MTMR8: variants seen among roughly 807,000 people sequenced by gnomAD.
MTMR8 encodes the protein myotubularin related protein 8.
Under a neutral mutation model 39.3 loss-of-function variants are expected in MTMR8, and 65 were observed. The observed-to-expected ratio is 1.65, with a 90% CI of 1.35 to 2.03. The LOEUF (loss-of-function observed/expected upper bound fraction) is 2.03. Among genes scored for constraint, MTMR8 ranks in the 30% most tolerant of loss-of-function variants. The pLI, the probability that MTMR8 is intolerant of heterozygous loss-of-function variation, is 0.00. For missense variants in MTMR8, 777 were observed against 538.9 expected (o/e 1.44, Z -4.37); for synonymous variants, 245 against 185.2 (o/e 1.32, Z -2.62).
At chrX:64,346,230 A>T (rs1209744390) in intron 6 of MTMR8, among the ~76,000 whole-genome samples, 1 of 111,406 alleles carries the variant, frequency 9.0e-6, no homozygotes, top group East Asian at 2.8e-4. Context: ...TGTGCATTTC[A>T]GAAGGCAGGA....
intron 1 of MTMR8, among the ~76,000 whole-genome samples, chrX:64,362,805 G>T (rs1923829129): frequency 9.3e-6 from 1 of 107,801 alleles, no homozygotes; most frequent in South Asian, 3.8e-4. Flanking sequence ...AAATTAATAA[G>T]AGAATAGGAG....
At chrX:64,357,173 G>A (rs1320713801) in intron 2 of MTMR8, among the ~76,000 whole-genome samples, 2 of 111,180 alleles carry the variant, frequency 1.8e-5, no homozygotes, top group East Asian at 5.7e-4. Flanking sequence ...TTTGATCTTT[G>A]ATGTTCTCCT....
At chrX:64,391,305 G>A (rs990632869) in intron 1 of MTMR8, among the ~76,000 whole-genome samples, 6 of 111,712 alleles carry the variant, frequency 5.4e-5, no homozygotes, top group African/African-American at 1.6e-4. Flanking sequence ...AATTATTTAT[G>A]TGAAGGAGAG....
rs1602099375 is a variant in MTMR8 at position 64,270,989 on chromosome X, T to C, written c.1566A>G (p.Lys522=). Residue 522 remains lysine, a synonymous_variant, in exon 13 of 14, where the codon AAA becomes AAG. Coordinates refer to ENST00000374852, the MANE Select transcript of MTMR8 (RefSeq NM_017677.4). ...CATCTGTCTCCAGCATTGCTCTCTG[T>C]TTCTTAATTTCCAGGAGGCTCTCTA... ...SMLESLLEIK[K]QRAMLETDVH... is the part of the protein sequence containing the mutation. The C allele has an allele frequency of 8.3e-7, 1 of 1,208,627 alleles. No individual in the cohort carries two copies. The highest frequency in any genetic ancestry group is 1.8e-5 in the South Asian group (1 of 56,633).
chrX:64,344,968 C>T (rs1422635142), intron 7 of MTMR8, 77 bp downstream of exon 7: 1 of 1,091,925 alleles, frequency 9.2e-7, no homozygotes, highest in African/African-American at 1.8e-5. Context: ...TATTCCACCC[C>T]AAATCAGGCA....
chrX:64,298,745 T>G (rs1400518651), intron 12 of MTMR8, among the ~76,000 whole-genome samples: 1 of 69,663 alleles, frequency 1.4e-5, no homozygotes, highest in Non-Finnish European at 2.2e-5. Context: ...TATTTTGAAA[T>G]ATGTCCCATC....
chrX:64,322,186 C>T (rs906445599), intron 12 of MTMR8, among the ~76,000 whole-genome samples: 10 of 108,658 alleles, frequency 9.2e-5, no homozygotes, highest in Admixed American at 2.0e-4. Context: ...TTTGTAGAGA[C>T]GAGGTCTCAC....
chrX:64,317,686 T>C (rs1024268440), intron 12 of MTMR8, among the ~76,000 whole-genome samples: 1 of 112,288 alleles, frequency 8.9e-6, no homozygotes, highest in African/African-American at 3.2e-5. Context: ...GTCTGATGGC[T>C]GATTTTCAAC....
rs752796434 is a variant in MTMR8 at position 64,369,565 on chromosome X, G to A, written c.25-10038C>T. On this transcript the variant is annotated intron_variant, in intron 1 of 13. Coordinates refer to ENST00000374852, the MANE Select transcript of MTMR8 (RefSeq NM_017677.4). Reference sequence around the variant, plus strand: ...CACTCACAGGTGGGAATTGAACAATGAGAACACTTGGACACAGTGCAGTGA... The same window carrying A: ...CACTCACAGGTGGGAATTGAACAATAAGAACACTTGGACACAGTGCAGTGA... Among the ~76,000 whole-genome samples, 17 of 110,650 alleles carry A rather than the reference G, an allele frequency of 1.5e-4. 1 individual carries two copies. The highest frequency in any genetic ancestry group is 5.6e-4 in the African/African-American group (17 of 30,390).
At chrX:64,331,474 T>A in intron 11 of MTMR8, 83 bp downstream of exon 11, 1 of 898,451 alleles carries the variant, frequency 1.1e-6, no homozygotes. Context: ...TTGACTGCTA[T>A]GCCAAATTCA....
intron 1 of MTMR8, among the ~76,000 whole-genome samples, chrX:64,359,857 A>G (rs1403113366): frequency 2.8e-5 from 3 of 106,507 alleles, no homozygotes; most frequent in Non-Finnish European, 3.9e-5. Flanking sequence ...CAGTTATTGT[A>G]TGTGTAAAAA....
chrX:64,329,407 T>G (rs1040469265), intron 11 of MTMR8, among the ~76,000 whole-genome samples: 1 of 111,819 alleles, frequency 8.9e-6, no homozygotes, highest in Non-Finnish European at 1.9e-5. Context: ...TACTTCTCCC[T>G]TCAGAAGGTT....
intron 12 of MTMR8, among the ~76,000 whole-genome samples, chrX:64,292,856 CA>C (rs1921446813): frequency 9.0e-6 from 1 of 111,247 alleles, no homozygotes; most frequent in Non-Finnish European, 1.9e-5. Flanking sequence ...GTGTCACTGC[CA>C]AAGTATCCCG....
intron 12 of MTMR8, among the ~76,000 whole-genome samples, chrX:64,320,441 A>G (rs1338475707): frequency 9.0e-6 from 1 of 110,765 alleles, no homozygotes; most frequent in African/African-American, 3.3e-5. Flanking sequence ...CTATGGTTAT[A>G]TATTTTGGCC....
intron 12 of MTMR8, among the ~76,000 whole-genome samples, chrX:64,313,431 C>T (rs767549777): frequency 8.9e-6 from 1 of 112,746 alleles, no homozygotes; most frequent in South Asian, 3.6e-4. Flanking sequence ...CAGTTAGGAA[C>T]TTTTATCAAC....
At chrX:64,319,879 T>A (rs1166698610) in intron 12 of MTMR8, among the ~76,000 whole-genome samples, 1 of 111,304 alleles carries the variant, frequency 9.0e-6, no homozygotes, top group Non-Finnish European at 1.9e-5. Context: ...ATTGACTCGG[T>A]GATGCGGGCT....
chrX:64,285,668 A>C (rs925515528), intron 12 of MTMR8, among the ~76,000 whole-genome samples: 3 of 112,077 alleles, frequency 2.7e-5, no homozygotes, highest in African/African-American at 9.7e-5. Context: ...AGGATTAAGA[A>C]ACTTACTCAA....
At chrX:64,339,810 A>G (rs973210374) in intron 8 of MTMR8, among the ~76,000 whole-genome samples, 6 of 110,233 alleles carry the variant, frequency 5.4e-5, no homozygotes, top group Non-Finnish European at 9.5e-5. Flanking sequence ...GAAGTCGGTA[A>G]GGATAATAGT....
intron 8 of MTMR8, 70 bp downstream of exon 8, chrX:64,343,541 A>G: frequency 6.3e-6 from 4 of 635,511 alleles, no homozygotes; most frequent in Non-Finnish European, 9.9e-6. Flanking sequence ...TCTTTCCACC[A>G]TGGCACACTA....
Sources: allele counts gnomAD v4.1 joint callset (sites outside exome capture counted in the v4.1 genomes callset), GRCh38; gene constraint gnomAD v4.1.1; transcripts MANE v1.5; gene names NCBI Gene and HGNC (gene_info 2026-07-23, HGNC 2026-07-21).